Variants in PPP1R1C observed in about 807,000 individuals in gnomAD.
The protein encoded by PPP1R1C is protein phosphatase 1 regulatory inhibitor subunit 1C.
PPP1R1C carries 15 observed loss-of-function variants against 17.4 expected under a neutral mutation model. That is an observed-to-expected ratio of 0.86 (90% CI 0.58 to 1.33). PPP1R1C has a LOEUF of 1.33. Among genes scored for constraint, PPP1R1C ranks in the 40% most tolerant of loss-of-function variants. The probability of loss-of-function intolerance (pLI) is 0.00; values close to 1 mark genes in which losing one functional copy is unlikely to be tolerated. For synonymous variants in PPP1R1C, 35 were observed against 43.1 expected (o/e 0.81, Z 0.73); for missense variants, 143 against 130.0 (o/e 1.10, Z -0.48).
chr2:182,083,529 C>A (rs1312220818), intron 4 of PPP1R1C, among the ~76,000 whole-genome samples: 1 of 152,082 alleles, frequency 6.6e-6, no homozygotes, highest in East Asian at 1.9e-4. Flanking sequence ...GCTTCCCATT[C>A]CTGAGTCACT....
At chr2:182,070,908 C>T (rs1441458766) in intron 4 of PPP1R1C, among the ~76,000 whole-genome samples, 5 of 152,182 alleles carry the variant, frequency 3.3e-5, no homozygotes, top group African/African-American at 1.2e-4. Flanking sequence ...GGGGGTGCTA[C>T]ACACTGTTAA....
rs1410439230 is a variant in PPP1R1C at position 181,992,693 on chromosome 2, GT to G, written c.142+4800del. ...GGAATCCGAAGCATAAGGTAAAATA[GT>G]TTTTTGAGTATATTTATTGAACTTC... On this transcript the variant is annotated intron_variant, in intron 2 of 4. Transcript: ENST00000682840. Among the ~76,000 whole-genome samples the G allele has an allele frequency of 2.2e-4, 30 of 134,428 alleles. 6 individuals are homozygous for G. Among genetic ancestry groups the G allele is most frequent in the African/African-American group, 7.5e-4 (27 of 36,038 alleles). The allele number at this position is 134,428 out of a possible 152,430, so 88.2% of individuals were successfully genotyped here. A position where few individuals can be genotyped will look rare whatever the true frequency, so the allele number is the denominator to read the frequency against.
intron 3 of PPP1R1C, among the ~76,000 whole-genome samples, 189 bp downstream of exon 3, chr2:182,061,668 A>G (rs1574420269): frequency 6.6e-6 from 1 of 152,252 alleles, no homozygotes; most frequent in East Asian, 1.9e-4. Flanking sequence ...TTCTCTACCT[A>G]TGTAATGCTA....
chr2:181,969,442 G>A (rs953186418), intron 1 of PPP1R1C, among the ~76,000 whole-genome samples: 10 of 152,078 alleles, frequency 6.6e-5, no homozygotes, highest in Admixed American at 2.0e-4. Flanking sequence ...CTATATGCCT[G>A]TATGATTTCC....
chr2:182,010,569 C>A (rs932011033), intron 2 of PPP1R1C, among the ~76,000 whole-genome samples: 2 of 152,014 alleles, frequency 1.3e-5, no homozygotes, highest in East Asian at 1.9e-4. Flanking sequence ...TGTCTACAAA[C>A]AAGGATAATT....
At chr2:182,007,103 T>TA (rs1455513869) in intron 2 of PPP1R1C, among the ~76,000 whole-genome samples, 1 of 152,196 alleles carries the variant, frequency 6.6e-6, no homozygotes, top group African/African-American at 2.4e-5. Context: ...TCTAGCTAGA[T>TA]AAAGGGCTAA....
At position 182,127,262 on chromosome 2, in the gene PPP1R1C, T is replaced by G. The variant is rs186932101; in HGVS notation, c.*7-1712T>G. ...GCAGTCTAGAGGGGCTAGCATTTTCTGAGCTGGAAAATGAGTCACAGTTCT... is the reference window on the plus strand; with the variant it reads ...GCAGTCTAGAGGGGCTAGCATTTTCGGAGCTGGAAAATGAGTCACAGTTCT... On this transcript the variant is annotated intron_variant, in intron 5 of 5. Coordinates refer to the PPP1R1C transcript ENST00000280295. Among the ~76,000 whole-genome samples the G allele has an allele frequency of 2.4e-3, 367 of 152,190 alleles. 4 individuals are homozygous for G. The highest frequency in any genetic ancestry group is 0.017 in the Admixed American group (266 of 15,264).
At chr2:182,119,768 G>A (rs1307639603), downstream of PPP1R1C, among the ~76,000 whole-genome samples, 1 of 152,110 alleles carries the variant, frequency 6.6e-6, no homozygotes, top group East Asian at 1.9e-4. Context: ...TTTTTTTCTT[G>A]TAAGTTTTTT....
At chr2:182,075,689 G>A (rs1214538953) in intron 4 of PPP1R1C, among the ~76,000 whole-genome samples, 1 of 152,228 alleles carries the variant, frequency 6.6e-6, no homozygotes, top group Non-Finnish European at 1.5e-5. Context: ...AGGCAGGAAA[G>A]TGGTTTGAAT....
In PPP1R1C at chr2:182,018,561, G is replaced by A. The variant is rs150144760; in HGVS notation, c.142+30662G>A. 3.9e-3 allele frequency among the ~76,000 whole-genome samples: 588 copies of A among 152,294 alleles called. 6 individuals are homozygous for A. The highest frequency in any genetic ancestry group is 0.014 in the African/African-American group (563 of 41,552). ...TAGACTAGAGCAGATGGCTAACACA[G>A]ATCAGTGAGAATTTAGGTGTGTGGG... On this transcript the variant is annotated intron_variant, in intron 2 of 4. Coordinates refer to ENST00000682840, the MANE Select transcript of PPP1R1C (RefSeq NM_001080545.3).
At chr2:182,078,994 T>G (rs1477662621) in intron 4 of PPP1R1C, among the ~76,000 whole-genome samples, 1 of 152,224 alleles carries the variant, frequency 6.6e-6, no homozygotes, top group African/African-American at 2.4e-5. Context: ...TTAAAGAAGT[T>G]AATGTGATGT....
At chr2:182,124,749 T>C (rs1280995261) in intron 5 of PPP1R1C, among the ~76,000 whole-genome samples, 1 of 152,200 alleles carries the variant, frequency 6.6e-6, no homozygotes, top group Non-Finnish European at 1.5e-5. Context: ...TGATTTTGTA[T>C]CCTGAGACTT....
chr2:182,093,471 T>C (rs1201606069), intron 4 of PPP1R1C, among the ~76,000 whole-genome samples: 4 of 152,236 alleles, frequency 2.6e-5, no homozygotes, highest in Non-Finnish European at 5.9e-5. Flanking sequence ...CCTCGTTACT[T>C]ATGCAAATTT....
At chr2:182,009,540 T>G (rs1351668197) in intron 2 of PPP1R1C, among the ~76,000 whole-genome samples, 1 of 152,134 alleles carries the variant, frequency 6.6e-6, no homozygotes, top group South Asian at 2.1e-4. Context: ...CTTTGTCATA[T>G]GAGTAGTTTT....
intron 2 of PPP1R1C, among the ~76,000 whole-genome samples, chr2:182,025,912 G>A (rs1283043960): frequency 4.1e-3 from 507 of 122,716 alleles, no homozygotes; most frequent in African/African-American, 7.3e-3. Flanking sequence ...TAACTGGTGT[G>A]AGATGGTATC....
chr2:181,961,960 G>T lies in PPP1R1C; in HGVS notation n.111+7326G>T, dbSNP rs1684806356. The T allele has an allele frequency of 8.1e-6, 6 of 736,362 alleles. No homozygotes were observed. Among genetic ancestry groups the T allele is most frequent in the Non-Finnish European group, 1.3e-5 (5 of 399,482 alleles). 45.6% of individuals were successfully genotyped at this position (736,362 alleles called of 1,614,324 possible). On this transcript the variant is annotated intron_variant and non_coding_transcript_variant, in intron 1 of 5. Transcript: ENST00000464264. The surrounding 1 kb of genome is among the most constrained non-coding windows in gnomAD (Gnocchi z 5.8). ...TGTCACTCCCCACAGACGGGTGCAT[G>T]GCCAGCTCTGTCTCATACTTGACTC...
chr2:181,974,290 A>G (rs1214967338), intron 1 of PPP1R1C, among the ~76,000 whole-genome samples: 1 of 152,154 alleles, frequency 6.6e-6, no homozygotes, highest in African/African-American at 2.4e-5. Context: ...TACTCTGAGA[A>G]TATTTCTTAC....
upstream of PPP1R1C, among the ~76,000 whole-genome samples, chr2:181,983,152 C>T (rs1431675130): frequency 2.6e-5 from 4 of 152,156 alleles, no homozygotes; most frequent in Admixed American, 6.5e-5. Context: ...CTAACCACTG[C>T]GGAGATTCTG....
intron 2 of PPP1R1C, among the ~76,000 whole-genome samples, chr2:182,031,683 C>G (rs757436704): frequency 6.6e-6 from 1 of 152,178 alleles, no homozygotes; most frequent in African/African-American, 2.4e-5. Context: ...AATATGAACA[C>G]TGATACAGCT....
Sources: allele counts gnomAD v4.1 joint callset (sites outside exome capture counted in the v4.1 genomes callset), GRCh38; gene constraint gnomAD v4.1.1; non-coding constraint Gnocchi (gnomAD v3.1); transcripts MANE v1.5; gene names NCBI Gene and HGNC (gene_info 2026-07-23, HGNC 2026-07-21).